The following NYAP2 variants were observed in gnomAD, a reference collection of about 807,000 sequenced individuals.
NYAP2 encodes the protein neuronal tyrosine-phosphorylated phosphoinositide-3-kinase adapter 2.
Under a neutral mutation model 50.4 loss-of-function variants are expected in NYAP2, and 23 were observed. That is an observed-to-expected ratio of 0.46 (90% CI 0.33 to 0.65). The LOEUF (loss-of-function observed/expected upper bound fraction) is 0.65, where lower values mean the gene tolerates loss of function less well. Ranked by LOEUF, NYAP2 falls within the 30% of genes least tolerant of loss-of-function variation. The pLI is 0.02. For missense variants in NYAP2, 885 were observed against 861.0 expected (o/e 1.03, Z -0.35); for synonymous variants, 394 against 365.2 (o/e 1.08, Z -0.90).
At chr2:225,517,807 C>T (rs1250096186) in intron 4 of NYAP2, among the ~76,000 whole-genome samples, 1 of 152,140 alleles carries the variant, frequency 6.6e-6, no homozygotes, top group Non-Finnish European at 1.5e-5. Context: ...GCCTTAATTT[C>T]ACACCTAGCT....
chr2:225,569,054 G>A (rs1459815632), intron 4 of NYAP2, among the ~76,000 whole-genome samples: 1 of 152,150 alleles, frequency 6.6e-6, no homozygotes, highest in Non-Finnish European at 1.5e-5. Flanking sequence ...TAGGGGAAGG[G>A]GAAATGGAAG....
At chr2:225,403,869 T>C (rs1330591083) in intron 2 of NYAP2, among the ~76,000 whole-genome samples, 1 of 151,984 alleles carries the variant, frequency 6.6e-6, no homozygotes, top group Non-Finnish European at 1.5e-5. Flanking sequence ...TCCATTCTAG[T>C]CAGTCCTTAT....
At chr2:225,432,882 T>C (rs559243068) in intron 3 of NYAP2, among the ~76,000 whole-genome samples, 1 of 152,256 alleles carries the variant, frequency 6.6e-6, no homozygotes, top group East Asian at 1.9e-4. Context: ...CATACATATT[T>C]TAGCGGTCAA....
the NYAP2 span, among the ~76,000 whole-genome samples, chr2:225,696,977 AT>A: frequency 6.6e-6 from 1 of 151,996 alleles, no homozygotes; most frequent in African/African-American, 2.4e-5. Flanking sequence ...TTATGTAAGT[AT>A]TTGCTCTAAT....
At chr2:225,506,782 G>A (rs1043649108) in intron 3 of NYAP2, among the ~76,000 whole-genome samples, 1 of 152,022 alleles carries the variant, frequency 6.6e-6, no homozygotes, top group Non-Finnish European at 1.5e-5. Flanking sequence ...GGTGACAGTG[G>A]CCCACCTGCC....
At chr2:225,579,329 A>G (rs943786341) in intron 4 of NYAP2, among the ~76,000 whole-genome samples, 27 of 152,178 alleles carry the variant, frequency 1.8e-4, no homozygotes, top group Non-Finnish European at 8.8e-5. Context: ...AGGCACCATA[A>G]GAGCCATATG....
At chr2:225,612,284 GT>G (rs1422766484) in intron 5 of NYAP2, among the ~76,000 whole-genome samples, 2 of 151,468 alleles carry the variant, frequency 1.3e-5, no homozygotes, top group Admixed American at 1.3e-4. Context: ...AGAAAATTCT[GT>G]TGTTTTTAAT....
At chr2:225,528,407 G>C (rs767750668) in intron 4 of NYAP2, among the ~76,000 whole-genome samples, 42 of 151,856 alleles carry the variant, frequency 2.8e-4, no homozygotes, top group Admixed American at 7.2e-4. Context: ...AAATCATCCC[G>C]CCGCAAAGTG....
At chr2:225,537,742 C>A (rs9967703) in intron 4 of NYAP2, among the ~76,000 whole-genome samples, 2,871 of 152,266 alleles carry the variant, frequency 0.019, 96 homozygotes, top group African/African-American at 0.065. Flanking sequence ...CAACAGTCCC[C>A]CAAAGTCTTA....
At chr2:225,613,361 G>T (rs115883001) in intron 5 of NYAP2, among the ~76,000 whole-genome samples, 2,671 of 152,174 alleles carry the variant, frequency 0.018, 35 homozygotes, top group South Asian at 0.038. Flanking sequence ...ATTTCCACTT[G>T]CTTTATTCCA....
At chr2:225,425,060 AT>A (rs79783729) in intron 3 of NYAP2, among the ~76,000 whole-genome samples, 2 of 151,968 alleles carry the variant, frequency 1.3e-5, no homozygotes, top group African/African-American at 2.4e-5. Flanking sequence ...ATAGAAACTT[AT>A]TTTTTTTAAA....
intron 6 of NYAP2, among the ~76,000 whole-genome samples, chr2:225,650,883 A>G (rs1231108005): frequency 6.6e-6 from 1 of 152,234 alleles, no homozygotes; most frequent in African/African-American, 2.4e-5. Flanking sequence ...GGTAGGAGAA[A>G]GCTTTTTAAG....
intron 5 of NYAP2, among the ~76,000 whole-genome samples, chr2:225,595,624 C>A (rs7585186): frequency 0.38 from 57,377 of 152,050 alleles, 10,986 homozygotes; most frequent in Non-Finnish European, 0.4. Flanking sequence ...AGCAGATTAC[C>A]TCACAGTTGT....
At chr2:225,606,401 AATAGCCC>A (rs1692788111) in intron 5 of NYAP2, among the ~76,000 whole-genome samples, 1 of 152,168 alleles carries the variant, frequency 6.6e-6, no homozygotes, top group African/African-American at 2.4e-5. Context: ...AAAATGTGGT[AATAGCCC>A]ATGCAACAGG....
intron 4 of NYAP2, among the ~76,000 whole-genome samples, chr2:225,539,180 CT>C (rs1360428459): frequency 6.6e-6 from 1 of 152,090 alleles, no homozygotes; most frequent in Non-Finnish European, 1.5e-5. Context: ...TAAACACATC[CT>C]TTTTATGGCT....
At chr2:225,560,800 G>T (rs1401347892) in intron 4 of NYAP2, among the ~76,000 whole-genome samples, 1 of 151,892 alleles carries the variant, frequency 6.6e-6, no homozygotes, top group Non-Finnish European at 1.5e-5. Context: ...AATCCAAGTT[G>T]GTTTTTGTTT....
At chr2:225,621,613 G>A (rs1693104834) in intron 5 of NYAP2, among the ~76,000 whole-genome samples, 1 of 151,338 alleles carries the variant, frequency 6.6e-6, no homozygotes, top group Admixed American at 6.6e-5. Flanking sequence ...AGCTAAGATG[G>A]GAAATTTTAT....
At chr2:225,555,560 G>C (rs563420897) in intron 4 of NYAP2, among the ~76,000 whole-genome samples, 17 of 152,264 alleles carry the variant, frequency 1.1e-4, no homozygotes, top group Admixed American at 1.0e-3. Flanking sequence ...AGTACCTCCA[G>C]ATGTGTGACC....
At chr2:225,575,051 G>A (rs756231192) in intron 4 of NYAP2, among the ~76,000 whole-genome samples, 8 of 152,140 alleles carry the variant, frequency 5.3e-5, no homozygotes, top group African/African-American at 1.4e-4. Context: ...ATCCTGTATC[G>A]TACATAGCTA....
Sources: gnomAD v4.1 joint callset for allele counts (sites outside exome capture counted in the v4.1 genomes callset) on GRCh38, gnomAD v4.1.1 for gene constraint, MANE v1.5 for transcripts, NCBI Gene and HGNC (gene_info 2026-07-23, HGNC 2026-07-21) for gene names.